The following HMCN1 variants were observed in gnomAD, a reference collection of about 807,000 sequenced individuals.
HMCN1 encodes the protein hemicentin-1.
A neutral mutation model predicts 625.9 loss-of-function variants in HMCN1; 321 were observed. The ratio of observed to expected loss-of-function variants is 0.51; its 90% CI spans 0.47 to 0.56. The LOEUF (loss-of-function observed/expected upper bound fraction) is 0.56, where lower values mean the gene tolerates loss of function less well. HMCN1 is among the 20% of genes least tolerant of loss of function. The pLI is 0.00. For missense variants in HMCN1, 6,588 were observed against 6,887.3 expected (o/e 0.96, Z 1.54); for synonymous variants, 2,425 against 2,417.6 (o/e 1.00, Z -0.09).
chr1:186,146,363 A>T (rs1376400827), intron 93 of HMCN1, among the ~76,000 whole-genome samples: 1 of 152,246 alleles, frequency 6.6e-6, no homozygotes, highest in African/African-American at 2.4e-5. Context: ...TATCAAGTTC[A>T]GCCTGAGTCA....
rs115610772 is a variant in HMCN1, at chr1:185,738,267, C to T, written c.268+3220C>T. Among the ~76,000 whole-genome samples, 1,011 of 152,228 alleles carry T rather than the reference C, an allele frequency of 6.6e-3. 8 individuals carry two copies. The highest frequency in any genetic ancestry group is 0.027 in the Middle Eastern group (8 of 294). On this transcript the variant is annotated intron_variant, in intron 1 of 106. Transcript: ENST00000271588. ...GTCCATTGTAGAACATCTTCATTAC[C>T]TCAAAAACAAATCCTGCACCCTTCA...
At chr1:186,177,686 A>G (rs1389963902) in intron 103 of HMCN1, among the ~76,000 whole-genome samples, 2 of 152,232 alleles carry the variant, frequency 1.3e-5, no homozygotes, top group African/African-American at 4.8e-5. Context: ...ATATGTGGAC[A>G]TATTAGAAAG....
chr1:185,830,086 A>G (rs1286780588), intron 1 of HMCN1, among the ~76,000 whole-genome samples: 1 of 151,788 alleles, frequency 6.6e-6, no homozygotes, highest in Admixed American at 6.6e-5. Context: ...CCACTTTTTG[A>G]TAGAGTTGTT....
intron 4 of HMCN1, among the ~76,000 whole-genome samples, chr1:185,900,890 G>A (rs1281167203): frequency 6.6e-6 from 1 of 151,926 alleles, no homozygotes; most frequent in African/African-American, 2.4e-5. Context: ...GATTGAATAT[G>A]TTAAAGTATC....
At chr1:186,150,328 A>G (rs774793862) in intron 93 of HMCN1, among the ~76,000 whole-genome samples, 1 of 152,218 alleles carries the variant, frequency 6.6e-6, no homozygotes. Context: ...CATGAAATTC[A>G]TTTTGAAAAA....
chr1:185,803,205 C>CAA, intron 1 of HMCN1, among the ~76,000 whole-genome samples: 24 of 58,780 alleles, frequency 4.1e-4, no homozygotes, highest in Non-Finnish European at 6.7e-4. Context: ...AAAAAAAAAG[C>CAA]AAAAAAAAAA....
At chr1:186,133,240 T>A (rs1029363828) in intron 86 of HMCN1, among the ~76,000 whole-genome samples, 3 of 152,138 alleles carry the variant, frequency 2.0e-5, no homozygotes, top group South Asian at 2.1e-4. Flanking sequence ...TTCAATGGAG[T>A]GCCCCTTCTT....
intron 1 of HMCN1, among the ~76,000 whole-genome samples, chr1:185,789,177 T>C (rs1172834875): frequency 1.3e-5 from 2 of 152,204 alleles, no homozygotes; most frequent in Non-Finnish European, 2.9e-5. Context: ...TTAATGTGAC[T>C]CGACAGACAT....
intron 1 of HMCN1, among the ~76,000 whole-genome samples, chr1:185,792,986 T>C (rs1359331503): frequency 6.6e-6 from 1 of 152,192 alleles, no homozygotes; most frequent in East Asian, 1.9e-4. Context: ...ATCTAGTGTA[T>C]AGGAGGAGCC....
Position 186,055,485 on chromosome 1 carries a change from A to G in HMCN1, c.6955A>G (p.Ile2319Val). 1 of 1,612,866 alleles carries G rather than the reference A, an allele frequency of 6.2e-7. No individual in the cohort carries two copies. The highest frequency in any genetic ancestry group is 1.7e-5 in the Admixed American group (1 of 59,838). Residue 2319 changes from isoleucine to valine, a missense_variant, in exon 45 of 107, where the codon ATT becomes GTT. By Grantham distance (29) the Ile-to-Val change is conservative (BLOSUM62 3). Coordinates refer to ENST00000271588, the MANE Select transcript of HMCN1 (RefSeq NM_031935.3). ...SISLECEVQG[I>V]PPPTVTWMKD... ...CTCCTTGGAGTGTGAGGTGCAGGGT[A>G]TTCCACCACCAACAGTGACCTGGAT...
chr1:185,961,350 A>G (rs762408149), intron 11 of HMCN1, among the ~76,000 whole-genome samples: 1 of 152,154 alleles, frequency 6.6e-6, no homozygotes, highest in Non-Finnish European at 1.5e-5. Context: ...TGAATTTCTC[A>G]ATTTTATTTA....
At position 185,784,787 on chromosome 1, in the gene HMCN1, A is replaced by T. The variant is rs76521687; in HGVS notation, c.268+49740A>T. ...ATCATGGTATCAATTACATATTGTA[A>T]CATGTACAGATCTTAAGTGTATGTT... On this transcript the variant is annotated intron_variant, in intron 1 of 106. Transcript: ENST00000271588. Among the ~76,000 whole-genome samples, 480 of 152,302 alleles carry T rather than the reference A, an allele frequency of 3.2e-3. 1 individual carries two copies. The highest frequency in any genetic ancestry group is 0.011 in the African/African-American group (463 of 41,550).
chr1:185,922,572 A>G, intron 7 of HMCN1, 73 bp downstream of exon 7: 3 of 1,374,790 alleles, frequency 2.2e-6, no homozygotes, highest in Non-Finnish European at 3.0e-6. Flanking sequence ...ACTGTCTATA[A>G]TTTTATAATT....
At position 186,178,409 on chromosome 1, in the gene HMCN1, C is replaced by A; in HGVS notation, c.15944-7C>A. ...TTTTTCTTTTTTATATCATGGCATACGAGCAGACATTAATGAATGTGAACA... is the reference window on the plus strand; with the variant it reads ...TTTTTCTTTTTTATATCATGGCATAAGAGCAGACATTAATGAATGTGAACA... On this transcript the variant is annotated splice_polypyrimidine_tract_variant and splice_region_variant and intron_variant, in intron 103 of 106. Transcript: ENST00000271588. The A allele has an allele frequency of 6.3e-7, 1 of 1,597,008 alleles. No homozygotes were observed. Among genetic ancestry groups the A allele is most frequent in the Middle Eastern group, 1.7e-4 (1 of 6,018 alleles).
intron 86 of HMCN1, among the ~76,000 whole-genome samples, 183 bp downstream of exon 86, chr1:186,132,592 T>A (rs1662000781): frequency 6.6e-6 from 1 of 152,134 alleles, no homozygotes; most frequent in African/African-American, 2.4e-5. Context: ...CACACAGATA[T>A]TTTTCTCTAT....
At chr1:186,171,207 G>A (rs1652210079) in intron 100 of HMCN1, 130 bp from the exon 101 acceptor site, 1 of 699,148 alleles carries the variant, frequency 1.4e-6, no homozygotes, top group Non-Finnish European at 2.6e-6. Flanking sequence ...TCACATGAGT[G>A]CAATATATTG....
At chr1:185,875,763 C>T (rs932919688) in intron 4 of HMCN1, among the ~76,000 whole-genome samples, 2 of 151,982 alleles carry the variant, frequency 1.3e-5, no homozygotes, top group African/African-American at 4.8e-5. Context: ...TCTGTACTTA[C>T]TCTATCTCTT....
intron 35 of HMCN1, among the ~76,000 whole-genome samples, chr1:186,022,671 A>G (rs750189524): frequency 6.6e-6 from 1 of 151,918 alleles, no homozygotes; most frequent in East Asian, 1.9e-4. Flanking sequence ...TTGTTTTAAA[A>G]CTATGAATTT....
At chr1:185,944,388 A>G (rs964021243) in intron 11 of HMCN1, among the ~76,000 whole-genome samples, 2 of 152,206 alleles carry the variant, frequency 1.3e-5, no homozygotes, top group Non-Finnish European at 2.9e-5. Context: ...AGAATTTACC[A>G]CTGTATAATT....
Sources: gnomAD v4.1 joint callset for allele counts (sites outside exome capture counted in the v4.1 genomes callset) on GRCh38, gnomAD v4.1.1 for gene constraint, MANE v1.5 for transcripts, NCBI Gene and HGNC (gene_info 2026-07-23, HGNC 2026-07-21) for gene names.